Variants in SLC14A2 observed in about 807,000 individuals in gnomAD.
SLC14A2 encodes the protein solute carrier family 14 member 2.
In SLC14A2, 91 loss-of-function variants were observed where a neutral mutation model predicts 104.6. The ratio of observed to expected loss-of-function variants is 0.87; its 90% CI spans 0.73 to 1.04. The LOEUF (loss-of-function observed/expected upper bound fraction) is 1.04, where lower values mean the gene tolerates loss of function less well. Among genes scored for constraint, SLC14A2 ranks in the 50% least tolerant of loss-of-function variants. The pLI is 0.00. For synonymous variants in SLC14A2, 476 were observed against 466.4 expected (o/e 1.02, Z -0.27); for missense variants, 1,189 against 1,156.0 (o/e 1.03, Z -0.41).
At chr18:45,172,792 T>C in the SLC14A2 span, among the ~76,000 whole-genome samples, 3 of 152,132 alleles carry the variant, frequency 2.0e-5, no homozygotes, top group Admixed American at 6.6e-5. Flanking sequence ...TGGAAGTCAA[T>C]TCATAAAATG....
chr18:45,618,669 C>CAAAAAAAA (rs60728655), intron 1 of SLC14A2, among the ~76,000 whole-genome samples: 1 of 50,694 alleles, frequency 2.0e-5, no homozygotes, highest in Admixed American at 2.6e-4. Context: ...AACTCTGTCT[C>CAAAAAAAA]AAAAAAAAAA....
chr18:45,410,024 G>A (rs1321780082), intron 1 of SLC14A2, among the ~76,000 whole-genome samples: 1 of 152,168 alleles, frequency 6.6e-6, no homozygotes, highest in Non-Finnish European at 1.5e-5. Flanking sequence ...GTGGTGATGG[G>A]AGACAGTGAC....
At position 45,472,467 on chromosome 18, in the gene SLC14A2, G is replaced by C. The variant is rs1172347153; in HGVS notation, c.-124-10766G>C. Among the ~76,000 whole-genome samples the C allele has an allele frequency of 2.0e-5, 3 of 152,178 alleles. No individual in the cohort carries two copies. The East Asian group carries it at 5.8e-4, about 29-fold the overall frequency. ...GAATCGCCACACTGTCTTCCACAGT[G>C]GTTGAACTAATTTACACTCCCACCA... On this transcript the variant is annotated intron_variant, in intron 1 of 20. Transcript: ENST00000586448.
the SLC14A2 span, among the ~76,000 whole-genome samples, chr18:45,176,164 C>T: frequency 4.6e-5 from 7 of 152,126 alleles, no homozygotes; most frequent in Non-Finnish European, 1.0e-4. Flanking sequence ...GTAAGCACAG[C>T]TAATAATCAC....
chr18:45,468,014 G>A (rs934930922), intron 1 of SLC14A2, among the ~76,000 whole-genome samples: 10 of 152,038 alleles, frequency 6.6e-5, no homozygotes, highest in Non-Finnish European at 1.5e-4. Flanking sequence ...ATCAAGGCAG[G>A]GCTGCACCCT....
Position 45,574,238 on chromosome 18 carries a change from T to C in SLC14A2, c.-34-50393T>C, listed in dbSNP as rs560298801. On this transcript the variant is annotated intron_variant, in intron 2 of 20. Coordinates refer to the SLC14A2 transcript ENST00000586448. ...TGCTTGTGTATGCATGTGTGTGTAA[T>C]GTAGGGGAGTTATGGGGAGAAGGAG... 2.6e-5 allele frequency among the ~76,000 whole-genome samples: 4 copies of C among 152,192 alleles called. No homozygotes were observed. In the South Asian group the frequency reaches 8.3e-4, roughly 32 times the overall value.
chr18:45,483,542 C>T (rs2087537473), intron 2 of SLC14A2: 1 of 152,158 alleles, frequency 6.6e-6, no homozygotes, highest in African/African-American at 2.4e-5. Flanking sequence ...ATCACATGCT[C>T]ATCTCCTCTG....
chr18:45,512,496 T>G (rs960201775), intron 2 of SLC14A2, among the ~76,000 whole-genome samples: 1 of 152,130 alleles, frequency 6.6e-6, no homozygotes, highest in African/African-American at 2.4e-5. Flanking sequence ...TTTCCATCAT[T>G]TTGGCAGGTA....
chr18:45,622,553 G>A (rs774004728), intron 1 of SLC14A2, among the ~76,000 whole-genome samples: 4 of 152,154 alleles, frequency 2.6e-5, no homozygotes, highest in East Asian at 3.9e-4. Context: ...GATGGAATAC[G>A]AAGCCATGCT....
chr18:45,672,945 G>A lies in SLC14A2; in HGVS notation c.2275G>A (p.Asp759Asn), dbSNP rs1037721585. 5 of 1,614,034 alleles carry A rather than the reference G, an allele frequency of 3.1e-6. No individual in the cohort carries two copies. The highest frequency in any genetic ancestry group is 1.6e-4 in the Middle Eastern group (1 of 6,084). ...TGGAATTGGCCAAGTGTACGGCTGT[G>A]ATAACCCCTGGACTGGAGGCATCTT... ...PVGIGQVYGC[D>N]NPWTGGIFLI... The change falls in exon 17 of 20, where the codon GAT (aspartate) becomes AAT (asparagine). Residue 759 changes from aspartate to asparagine, a missense_variant. By Grantham distance (23) the Asp-to-Asn change is conservative (BLOSUM62 1). Coordinates refer to ENST00000255226, the MANE Select transcript of SLC14A2 (RefSeq NM_007163.4).
intron 2 of SLC14A2, among the ~76,000 whole-genome samples, chr18:45,505,677 C>A (rs2043272975): frequency 6.6e-6 from 1 of 152,122 alleles, no homozygotes; most frequent in Admixed American, 6.5e-5. Flanking sequence ...TCCTCGGCCC[C>A]CCGAGCACCC....
intron 1 of SLC14A2, among the ~76,000 whole-genome samples, chr18:45,426,762 C>T (rs1015610341): frequency 2.6e-5 from 4 of 150,944 alleles, no homozygotes; most frequent in African/African-American, 7.3e-5. Context: ...AAAACCAGCC[C>T]TTGAACAAAA....
chr18:45,461,232 G>C (rs2087039714), intron 1 of SLC14A2, among the ~76,000 whole-genome samples: 1 of 152,290 alleles, frequency 6.6e-6, no homozygotes, highest in East Asian at 1.9e-4. Context: ...AAGCCTACTA[G>C]AATCTTGTAT....
At chr18:45,567,313 C>T (rs758151796) in intron 2 of SLC14A2, among the ~76,000 whole-genome samples, 6 of 152,064 alleles carry the variant, frequency 3.9e-5, no homozygotes, top group East Asian at 3.9e-4. Context: ...TAGACAGAGA[C>T]GCTGGCCCAG....
At chr18:45,367,751 G>A (rs896025454) in intron 1 of SLC14A2, among the ~76,000 whole-genome samples, 7 of 152,066 alleles carry the variant, frequency 4.6e-5, no homozygotes, top group Admixed American at 2.0e-4. Flanking sequence ...AATTTTTGTT[G>A]TTGTTGTTGT....
chr18:45,444,508 A>C lies in SLC14A2; in HGVS notation c.-124-38725A>C, dbSNP rs554782840. On this transcript the variant is annotated intron_variant, in intron 1 of 20. Coordinates refer to the SLC14A2 transcript ENST00000586448. ...TGAAATAGGTTTTCAGAAGGGGGAAAATAAAGAAGAAAAGATGATCTGTCC... is the reference window on the plus strand; with the variant it reads ...TGAAATAGGTTTTCAGAAGGGGGAACATAAAGAAGAAAAGATGATCTGTCC... 1.5e-4 allele frequency among the ~76,000 whole-genome samples: 23 copies of C among 152,320 alleles called. No individual in the cohort carries two copies. The South Asian group carries it at 4.8e-3, about 32-fold the overall frequency.
At chr18:45,519,025 C>A (rs1427968835) in intron 2 of SLC14A2, among the ~76,000 whole-genome samples, 3 of 152,138 alleles carry the variant, frequency 2.0e-5, no homozygotes, top group African/African-American at 7.2e-5. Flanking sequence ...AATCAATTAA[C>A]AATAAGCATA....
chr18:45,641,087 CA>C, intron 7 of SLC14A2, 121 bp from the exon 8 acceptor site: 4 of 922,994 alleles, frequency 4.3e-6, no homozygotes, highest in Non-Finnish European at 4.9e-6. Flanking sequence ...TTTTGATGGG[CA>C]GGTTTGGAGA....
At chr18:45,397,424 A>G (rs2086047058) in intron 1 of SLC14A2, among the ~76,000 whole-genome samples, 1 of 152,154 alleles carries the variant, frequency 6.6e-6, no homozygotes. Flanking sequence ...GTGATGTTGA[A>G]CTTTCTTTTC....
Sources: allele counts gnomAD v4.1 joint callset (sites outside exome capture counted in the v4.1 genomes callset), GRCh38; gene constraint gnomAD v4.1.1; transcripts MANE v1.5; gene names NCBI Gene and HGNC (gene_info 2026-07-23, HGNC 2026-07-21).